MCF2L2: variants seen among roughly 807,000 people sequenced by gnomAD.
MCF2L2 encodes MCF.2 cell line derived transforming sequence-like 2.
In MCF2L2, 102 loss-of-function variants were observed where a neutral mutation model predicts 150.2. The ratio of observed to expected loss-of-function variants is 0.68; its 90% CI spans 0.58 to 0.80. The LOEUF (loss-of-function observed/expected upper bound fraction) is 0.80. Ranked by LOEUF, MCF2L2 falls within the 30% of genes least tolerant of loss-of-function variation. The pLI is 0.00. For synonymous variants in MCF2L2, 465 were observed against 491.3 expected (o/e 0.95, Z 0.71); for missense variants, 1,256 against 1,372.8 (o/e 0.91, Z 1.34).
intron 3 of MCF2L2, chr3:183,376,880 T>C (rs1713216879): frequency 6.6e-6 from 1 of 152,186 alleles, no homozygotes; most frequent in Admixed American, 6.5e-5. Flanking sequence ...ATTCTCTAAG[T>C]TACCTTTCCT....
At chr3:183,187,525 G>A (rs1721738610) in intron 27 of MCF2L2, among the ~76,000 whole-genome samples, 1 of 152,096 alleles carries the variant, frequency 6.6e-6, no homozygotes, top group African/African-American at 2.4e-5. Context: ...CTGGAGTGCA[G>A]TGGCATCATC....
intron 15 of MCF2L2, chr3:183,269,373 A>C (rs1362958564): frequency 6.3e-6 from 1 of 159,418 alleles, no homozygotes; most frequent in East Asian, 2.0e-4. Context: ...AGTACTAACT[A>C]CCTCATCACC....
chr3:183,275,136 T>C (rs988046150), intron 15 of MCF2L2, among the ~76,000 whole-genome samples: 1 of 152,164 alleles, frequency 6.6e-6, no homozygotes, highest in Non-Finnish European at 1.5e-5. Flanking sequence ...CCTTCCCTTC[T>C]CCCCAAATTT....
At chr3:183,250,712 CG>C (rs1427387695) in intron 15 of MCF2L2, among the ~76,000 whole-genome samples, 1 of 151,922 alleles carries the variant, frequency 6.6e-6, no homozygotes, top group Non-Finnish European at 1.5e-5. Flanking sequence ...GGGAGGTGGC[CG>C]GGGGGCAGAG....
Position 183,318,058 on chromosome 3 carries a change from G to T in MCF2L2, c.753+10C>A. ...AGACACTGGCCTCTGAGAGGTCACT[G>T]ACCGCTCACCTGCAGCTTGTCCCGC... On this transcript the variant is annotated intron_variant, in intron 7 of 29. Transcript: ENST00000328913. 6.2e-7 allele frequency: 1 copy of T among 1,612,536 alleles called. No homozygotes were observed. The highest frequency in any genetic ancestry group is 1.1e-5 in the South Asian group (1 of 90,682).
Position 183,370,040 on chromosome 3 carries a change from C to A in MCF2L2, c.275+9257G>T, listed in dbSNP as rs879599443. Among the ~76,000 whole-genome samples the A allele has an allele frequency of 1.3e-5, 2 of 152,194 alleles. 1 individual carries two copies. The highest frequency in any genetic ancestry group is 4.1e-4 in the South Asian group (2 of 4,834). On this transcript the variant is annotated intron_variant, in intron 3 of 29. Transcript: ENST00000328913. ...GCTTGTTATGGTATGTGGCTATCAT[C>A]TTTATAATTGATCATGAGAGTGGCA...
At chr3:183,278,979 C>A (rs530558049) in intron 14 of MCF2L2, among the ~76,000 whole-genome samples, 356 of 152,272 alleles carry the variant, frequency 2.3e-3, no homozygotes, top group African/African-American at 8.4e-3. Context: ...CCAAGCAAGT[C>A]TAATGGAATA....
chr3:183,229,728 A>G lies in MCF2L2; in HGVS notation c.1983T>C (p.Val661=). 1 of 1,606,160 alleles carries G rather than the reference A, an allele frequency of 6.2e-7. No individual in the cohort carries two copies. Among genetic ancestry groups the G allele is most frequent in the Non-Finnish European group, 8.5e-7 (1 of 1,174,304 alleles). ...FIWLKHLIPD[V]LQNNKDFLFG... ...AGAGAAAGTCCTTGTTATTCTGAAG[A>G]ACATCTGGAATTAGATGCTTTAGCC... Residue 661 remains valine, a synonymous_variant, in exon 17 of 30, where the codon GTT becomes GTC. Coordinates refer to ENST00000328913, the MANE Select transcript of MCF2L2 (RefSeq NM_015078.4).
chr3:183,285,476 A>G (rs968097705), intron 14 of MCF2L2, among the ~76,000 whole-genome samples: 8 of 152,116 alleles, frequency 5.3e-5, no homozygotes, highest in East Asian at 1.9e-4. Flanking sequence ...GGGAAACTCA[A>G]CCTCTGAGTC....
chr3:183,206,421 A>G (rs1722474640), intron 23 of MCF2L2, among the ~76,000 whole-genome samples: 1 of 152,210 alleles, frequency 6.6e-6, no homozygotes, highest in African/African-American at 2.4e-5. Flanking sequence ...TTCAGAAGGT[A>G]ACACAGACTG....
chr3:183,252,346 G>T (rs966922588), intron 15 of MCF2L2, among the ~76,000 whole-genome samples: 1 of 152,152 alleles, frequency 6.6e-6, no homozygotes, highest in African/African-American at 2.4e-5. Flanking sequence ...ATTTCTGTCT[G>T]TGGTCTGATG....
intron 15 of MCF2L2, among the ~76,000 whole-genome samples, chr3:183,238,180 G>A (rs1254529993): frequency 1.3e-5 from 2 of 151,046 alleles, no homozygotes; most frequent in African/African-American, 2.4e-5. Flanking sequence ...TGTCCAACCT[G>A]CGGCCTGTGG....
chr3:183,393,351 GC>G (rs2108602789), intron 1 of MCF2L2, among the ~76,000 whole-genome samples: 1 of 151,840 alleles, frequency 6.6e-6, no homozygotes, highest in South Asian at 2.1e-4. Flanking sequence ...CTGCCACCAC[GC>G]CCGGCTAATT....
At chr3:183,334,535 A>C (rs7648440) in intron 5 of MCF2L2, among the ~76,000 whole-genome samples, 46,906 of 151,156 alleles carry the variant, frequency 0.31, 9,611 homozygotes, top group African/African-American at 0.58. Context: ...CGCCTGTAAT[A>C]CCGGCACTTT....
chr3:183,393,617 T>C (rs1411041281), intron 1 of MCF2L2, among the ~76,000 whole-genome samples: 1 of 152,250 alleles, frequency 6.6e-6, no homozygotes, highest in Non-Finnish European at 1.5e-5. Flanking sequence ...CCTTGATAAG[T>C]ACACAGAAGT....
At chr3:183,248,794 C>T (rs1030111435) in intron 15 of MCF2L2, among the ~76,000 whole-genome samples, 7 of 152,010 alleles carry the variant, frequency 4.6e-5, no homozygotes, top group African/African-American at 1.7e-4. Context: ...CAGTGACCGG[C>T]CATTGTATTC....
chr3:183,362,028 T>A (rs577636628), intron 3 of MCF2L2, among the ~76,000 whole-genome samples: 2 of 152,266 alleles, frequency 1.3e-5, no homozygotes, highest in East Asian at 3.9e-4. Flanking sequence ...TAGACTTGGG[T>A]CCCATCCCCA....
intron 21 of MCF2L2, among the ~76,000 whole-genome samples, chr3:183,219,452 AAT>A (rs1004892445): frequency 2.2e-4 from 34 of 152,294 alleles, no homozygotes; most frequent in African/African-American, 8.2e-4. Context: ...CTCTACTAAA[AAT>A]AAAAAAATTA....
Position 183,341,645 on chromosome 3 carries a change from G to A in MCF2L2, c.276-15C>T. 1 of 1,594,278 alleles carries A rather than the reference G, an allele frequency of 6.3e-7. No homozygotes were observed. The highest frequency in any genetic ancestry group is 8.6e-7 in the Non-Finnish European group (1 of 1,161,878). On this transcript the variant is annotated splice_polypyrimidine_tract_variant and intron_variant, in intron 3 of 29. Transcript: ENST00000328913. ...CAGCCTCCACACTGCAAAGAAGGGT[G>A]GTCAGTGTCAGAGATTAGGTGAGAC...
Sources: gnomAD v4.1 joint callset for allele counts (sites outside exome capture counted in the v4.1 genomes callset) on GRCh38, gnomAD v4.1.1 for gene constraint, MANE v1.5 for transcripts, NCBI Gene and HGNC (gene_info 2026-07-23, HGNC 2026-07-21) for gene names.